The following BLM variants were observed in gnomAD, a reference collection of about 807,000 sequenced individuals.
BLM encodes recQ-like DNA helicase BLM.
Under a neutral mutation model 135.3 loss-of-function variants are expected in BLM, and 95 were observed. That is an observed-to-expected ratio of 0.70 (90% confidence interval 0.59 to 0.83). BLM has a LOEUF of 0.83. BLM is among the 40% of genes least tolerant of loss of function. The pLI is 0.00. For synonymous variants in BLM, 520 were observed against 589.2 expected (o/e 0.88, Z 1.70); for missense variants, 1,518 against 1,663.9 (o/e 0.91, Z 1.53).
intron 7 of BLM, 131 bp downstream of exon 7, chr15:90,761,386 T>G: frequency 1.4e-6 from 1 of 716,216 alleles, no homozygotes; most frequent in Non-Finnish European, 2.0e-6. Flanking sequence ...ACTGATGATA[T>G]GAATTACAAA....
chr15:90,789,039 GGA>G, intron 14 of BLM, among the ~76,000 whole-genome samples: 1 of 80,264 alleles, frequency 1.2e-5, no homozygotes, highest in African/African-American at 6.7e-5. Flanking sequence ...AATCTACAAT[GGA>G]GATATATATA....
At chr15:90,724,769 A>T (rs1894865777) in intron 1 of BLM, among the ~76,000 whole-genome samples, 1 of 152,122 alleles carries the variant, frequency 6.6e-6, no homozygotes, top group Admixed American at 6.6e-5. Flanking sequence ...CCATCTCTAC[A>T]TGTTCTCACC....
rs562007356 is a variant in BLM, at chr15:90,793,851, G to C, written c.3020-316G>C. On this transcript the variant is annotated intron_variant, in intron 15 of 21. Coordinates refer to ENST00000355112, the MANE Select transcript of BLM (RefSeq NM_000057.4). Reference sequence around the variant, plus strand: ...TGCATGGCCACTGCCGTAATCTCAGGCTCTGCTTCCTCAGGATGTTCAGTT... The same window carrying C: ...TGCATGGCCACTGCCGTAATCTCAGCCTCTGCTTCCTCAGGATGTTCAGTT... 1.4e-4 allele frequency: 25 copies of C among 180,484 alleles called. No homozygotes were observed. In the South Asian group the frequency reaches 2.8e-3, roughly 21 times the overall value. The allele number at this position is 180,484 out of a possible 1,614,324, so 11.2% of individuals were successfully genotyped here. A position where few individuals can be genotyped will look rare whatever the true frequency, so the allele number is the denominator to read the frequency against.
At chr15:90,728,038 ATTTTC>A (rs1024655872) in intron 1 of BLM, among the ~76,000 whole-genome samples, 1 of 151,828 alleles carries the variant, frequency 6.6e-6, no homozygotes, top group Non-Finnish European at 1.5e-5. Context: ...ACGACTTTCA[ATTTTC>A]TTTTCTTTTT....
At position 90,766,763 on chromosome 15, in the gene BLM, G is replaced by A. The variant is rs62025115; in HGVS notation, c.2194-147G>A. On this transcript the variant is annotated intron_variant, in intron 9 of 21. Coordinates refer to ENST00000355112, the MANE Select transcript of BLM (RefSeq NM_000057.4). ...TTAATAAGGGTTTTTTAAAATGTATGTACTTACATACTTGTTATGTTGAGA... is the reference window on the plus strand; with the variant it reads ...TTAATAAGGGTTTTTTAAAATGTATATACTTACATACTTGTTATGTTGAGA... The A allele has an allele frequency of 0.016, 9,780 of 600,366 alleles. 110 individuals carry two copies. The highest frequency in any genetic ancestry group is 0.019 in the Non-Finnish European group (6,505 of 340,500). The allele number at this position is 600,366 out of a possible 1,614,324, so 37.2% of individuals were successfully genotyped here.
At chr15:90,750,503 G>A (rs562924784) in intron 3 of BLM, among the ~76,000 whole-genome samples, 7 of 152,304 alleles carry the variant, frequency 4.6e-5, no homozygotes, top group African/African-American at 1.7e-4. Flanking sequence ...AACCCAGGTG[G>A]ACAGATCAGG....
In BLM at chr15:90,809,238, TACTC is replaced by T. The variant is rs2151198369; in HGVS notation, c.3854_3857del (p.Tyr1285LeufsTer14). The stretch of plus-strand genomic sequence containing the variant: ...GGAAGTGATTTCAGTATTACAGAAA[TACTC>T]TGAATGGACATCGCCAGGTTAGTAC... On this transcript the variant is annotated frameshift_variant, in exon 20 of 22. Coordinates refer to ENST00000355112, the MANE Select transcript of BLM (RefSeq NM_000057.4). LOFTEE classifies it high-confidence loss of function. 3 of 1,614,200 alleles carry T rather than the reference TACTC, an allele frequency of 1.9e-6. No individual in the cohort carries two copies. Among genetic ancestry groups the T allele is most frequent in the Non-Finnish European group, 1.7e-6 (2 of 1,180,032 alleles).
chr15:90,792,727 C>G (rs1247557305), intron 15 of BLM, among the ~76,000 whole-genome samples: 1 of 152,082 alleles, frequency 6.6e-6, no homozygotes, highest in Non-Finnish European at 1.5e-5. Context: ...ATTTCATCTT[C>G]ACAATAACCC....
At chr15:90,729,915 G>A (rs1304234776) in intron 1 of BLM, among the ~76,000 whole-genome samples, 3 of 151,970 alleles carry the variant, frequency 2.0e-5, no homozygotes, top group African/African-American at 4.8e-5. Flanking sequence ...GCGTGATCTC[G>A]GCTCACTGCA....
At chr15:90,736,176 T>A (rs12907903) in intron 1 of BLM, among the ~76,000 whole-genome samples, 34,725 of 152,188 alleles carry the variant, frequency 0.23, 4,222 homozygotes, top group East Asian at 0.45. Context: ...GAGGGAGAAG[T>A]TGGCAATCCA....
intron 12 of BLM, among the ~76,000 whole-genome samples, chr15:90,777,721 A>G (rs1896516927): frequency 6.6e-6 from 1 of 152,230 alleles, no homozygotes; most frequent in African/African-American, 2.4e-5. Flanking sequence ...TTTAAAGGGT[A>G]CAATTTAGTG....
intron 20 of BLM, 22 bp from the exon 21 acceptor site, chr15:90,811,183 C>T (rs755031973): frequency 4.3e-6 from 7 of 1,611,704 alleles, no homozygotes; most frequent in South Asian, 1.1e-5. Flanking sequence ...CACCTGTAAA[C>T]ATCTGCATTT....
chr15:90,722,700 A>G (rs778895894), intron 1 of BLM, among the ~76,000 whole-genome samples: 3 of 152,228 alleles, frequency 2.0e-5, no homozygotes, highest in Non-Finnish European at 4.4e-5. Flanking sequence ...TGGTAAATTG[A>G]AGACTCATTA....
At chr15:90,797,460 G>A (rs1409085651) in intron 16 of BLM, among the ~76,000 whole-genome samples, 1 of 149,586 alleles carries the variant, frequency 6.7e-6, no homozygotes, top group East Asian at 1.9e-4. Context: ...GATAGGAATG[G>A]AGTGACAGGG....
At chr15:90,804,120 C>G (rs751332759) in intron 18 of BLM, 47 bp from the exon 19 acceptor site, 12 of 1,522,756 alleles carry the variant, frequency 7.9e-6, no homozygotes, top group Non-Finnish European at 1.0e-5. Context: ...TGTATGGGTA[C>G]AAGTGCACAT....
At position 90,782,250 on chromosome 15, in the gene BLM, C is replaced by T. The variant is rs571501579; in HGVS notation, c.2556-572C>T. Among the ~76,000 whole-genome samples, 7 of 151,912 alleles carry T rather than the reference C, an allele frequency of 4.6e-5. No individual in the cohort carries two copies. In the South Asian group the frequency reaches 1.2e-3, roughly 27 times the overall value. ...TAAAAATACAAAAATTAGCTGGGCG[C>T]GATGGTGGGCATCCATAATCCCAGC... is the stretch of plus-strand genomic sequence containing the variant. On this transcript the variant is annotated intron_variant, in intron 12 of 21. Coordinates refer to ENST00000355112, the MANE Select transcript of BLM (RefSeq NM_000057.4).
intron 15 of BLM, among the ~76,000 whole-genome samples, 177 bp downstream of exon 15, chr15:90,791,021 G>A (rs1368409873): frequency 6.6e-6 from 1 of 152,154 alleles, no homozygotes; most frequent in Non-Finnish European, 1.5e-5. Context: ...AGTGGTAAGT[G>A]CTTATTTTGT....
intron 14 of BLM, among the ~76,000 whole-genome samples, chr15:90,788,471 G>GTTTTTTTTTTTTTTTTTTTTTT (rs35158343): frequency 2.0e-4 from 19 of 95,020 alleles, no homozygotes; most frequent in East Asian, 3.3e-4. Context: ...CCAGTGTTTT[G>GTTTTTTTTTTTTTTTTTTTTTT]TTTTTTTTTT....
chr15:90,806,214 T>G (rs1897281582), intron 19 of BLM, among the ~76,000 whole-genome samples: 1 of 151,942 alleles, frequency 6.6e-6, no homozygotes, highest in Non-Finnish European at 1.5e-5. Flanking sequence ...AATGACCAAT[T>G]GTAATATTGT....
Sources: allele counts gnomAD v4.1 joint callset (sites outside exome capture counted in the v4.1 genomes callset), GRCh38; gene constraint gnomAD v4.1.1; transcripts MANE v1.5; gene names NCBI Gene and HGNC (gene_info 2026-07-23, HGNC 2026-07-21).